CSMD1: variants seen among roughly 807,000 people sequenced by gnomAD.
The protein encoded by CSMD1 is CUB and Sushi multiple domains 1, also known as CUB and sushi domain-containing protein 1.
Under a neutral mutation model 417.5 loss-of-function variants are expected in CSMD1, and 213 were observed. The ratio of observed to expected loss-of-function variants is 0.51; its 90% CI spans 0.46 to 0.57. CSMD1 has a LOEUF of 0.57. CSMD1 is among the 20% of genes least tolerant of loss of function. CSMD1 has a pLI of 0.00. For missense variants in CSMD1, 6,923 were observed against 4,529.7 expected (o/e 1.53, Z -15.17); for synonymous variants, 2,862 against 1,736.8 (o/e 1.65, Z -16.11).
chr8:4,298,772 A>G (rs567520099), intron 3 of CSMD1, among the ~76,000 whole-genome samples: 1 of 152,174 alleles, frequency 6.6e-6, no homozygotes, highest in East Asian at 1.9e-4. Flanking sequence ...TGTGCTTTTG[A>G]ATAAATTTAT....
intron 3 of CSMD1, among the ~76,000 whole-genome samples, chr8:4,242,389 C>G (rs1209144649): frequency 6.6e-6 from 1 of 152,156 alleles, no homozygotes; most frequent in Non-Finnish European, 1.5e-5. Context: ...GAAGAAAACA[C>G]TTCCCCCACC....
Position 4,144,683 on chromosome 8 carries a change from C to T in CSMD1, c.416-112584G>A, listed in dbSNP as rs904087360. On this transcript the variant is annotated intron_variant, in intron 3 of 69. Coordinates refer to ENST00000635120, the MANE Select transcript of CSMD1 (RefSeq NM_033225.6). ...GCAGGACCTCTATGTCCCGACTGTG[C>T]GGTTTTACATACTCGGCAAAGAGTG... Among the ~76,000 whole-genome samples, 20 of 151,024 alleles carry T rather than the reference C, an allele frequency of 1.3e-4. 1 individual carries two copies. The highest frequency in any genetic ancestry group is 5.3e-4 in the Admixed American group (8 of 15,210).
At chr8:4,355,327 A>G (rs1028367777) in intron 3 of CSMD1, among the ~76,000 whole-genome samples, 1 of 151,076 alleles carries the variant, frequency 6.6e-6, no homozygotes, top group Non-Finnish European at 1.5e-5. Context: ...ACACACACGC[A>G]CACACACACA....
chr8:3,215,247 C>G (rs1446271602), intron 29 of CSMD1, among the ~76,000 whole-genome samples: 2 of 152,300 alleles, frequency 1.3e-5, no homozygotes, highest in Admixed American at 6.5e-5. Context: ...CATTCTTTTA[C>G]TACCGTATTT....
At chr8:3,627,075 T>A (rs80252686) in intron 7 of CSMD1, among the ~76,000 whole-genome samples, 2 of 152,142 alleles carry the variant, frequency 1.3e-5, no homozygotes, top group South Asian at 2.1e-4. Context: ...TGGTTGAGAA[T>A]TGCTGTGATA....
At chr8:4,534,841 C>A (rs1053226213) in intron 2 of CSMD1, among the ~76,000 whole-genome samples, 1 of 152,134 alleles carries the variant, frequency 6.6e-6, no homozygotes, top group Non-Finnish European at 1.5e-5. Context: ...CAGCTCGATG[C>A]AAGCTCCGCC....
At chr8:3,310,609 G>T (rs148271513) in intron 23 of CSMD1, among the ~76,000 whole-genome samples, 3 of 152,144 alleles carry the variant, frequency 2.0e-5, no homozygotes, top group African/African-American at 4.8e-5. Flanking sequence ...ACACAAAATC[G>T]GGGTGTAAAA....
intron 5 of CSMD1, among the ~76,000 whole-genome samples, chr8:3,829,170 C>G (rs1802229526): frequency 6.6e-6 from 1 of 151,988 alleles, no homozygotes; most frequent in Non-Finnish European, 1.5e-5. Flanking sequence ...GTCTTTTATC[C>G]CTCGCCCTCC....
At chr8:4,934,423 T>C (rs1410495404) in intron 1 of CSMD1, among the ~76,000 whole-genome samples, 1 of 152,156 alleles carries the variant, frequency 6.6e-6, no homozygotes, top group African/African-American at 2.4e-5. Context: ...ATTCTATCAT[T>C]TCATGTAGTT....
intron 5 of CSMD1, among the ~76,000 whole-genome samples, chr8:3,897,901 G>A (rs754174698): frequency 1.3e-5 from 2 of 152,150 alleles, no homozygotes; most frequent in South Asian, 2.1e-4. Context: ...AAGTAAGGTG[G>A]CCATGTGGAT....
At position 2,954,245 on chromosome 8, in the gene CSMD1, C is replaced by T. The variant is rs1017517297; in HGVS notation, c.10018G>A (p.Glu3340Lys). ...AAACCTGGAGTTTTAGTAACTGTTTCATTAACTTCTCTCACTCCTTTACCT... is the reference window on the plus strand; with the variant it reads ...AAACCTGGAGTTTTAGTAACTGTTTTATTAACTTCTCTCACTCCTTTACCT... Reference protein sequence around the residue: ...CKSKGVREVNETVTKTPVPSD... With the variant: ...CKSKGVREVNKTVTKTPVPSD... The change falls in exon 65 of 70, where the codon GAA (glutamate) becomes AAA (lysine). Residue 3340 changes from glutamate to lysine, a missense_variant. Glu to Lys is a moderately conservative substitution (Grantham distance 56). Coordinates refer to ENST00000635120, the MANE Select transcript of CSMD1 (RefSeq NM_033225.6). 4.7e-6 allele frequency: 7 copies of T among 1,502,150 alleles called. No homozygotes were observed. The South Asian group carries it at 6.2e-5, about 13-fold the overall frequency. The allele number at this position is 1,502,150 out of a possible 1,614,324, so 93.1% of individuals were successfully genotyped here.
intron 1 of CSMD1, among the ~76,000 whole-genome samples, chr8:4,756,251 A>G (rs1337050176): frequency 1.3e-5 from 2 of 152,232 alleles, no homozygotes; most frequent in African/African-American, 4.8e-5. Flanking sequence ...GGTTATACAG[A>G]AAAGAGCTAG....
At chr8:4,756,369 G>A (rs781233164) in intron 1 of CSMD1, among the ~76,000 whole-genome samples, 9 of 152,250 alleles carry the variant, frequency 5.9e-5, no homozygotes, top group Non-Finnish European at 8.8e-5. Flanking sequence ...ATTTTTAAAA[G>A]TAACACTTGG....
chr8:3,734,581 G>A (rs895173781), intron 6 of CSMD1, among the ~76,000 whole-genome samples: 1 of 152,086 alleles, frequency 6.6e-6, no homozygotes, highest in African/African-American at 2.4e-5. Context: ...CCTGGTGGCG[G>A]GCACCTATAA....
At chr8:4,772,981 A>G (rs9657401) in intron 1 of CSMD1, among the ~76,000 whole-genome samples, 25,338 of 152,110 alleles carry the variant, frequency 0.17, 2,223 homozygotes, top group East Asian at 0.34. Context: ...AGATACATGG[A>G]TGAGTATGAC....
chr8:4,413,029 T>G (rs749977457), intron 3 of CSMD1, among the ~76,000 whole-genome samples: 3 of 152,210 alleles, frequency 2.0e-5, no homozygotes, highest in Admixed American at 2.0e-4. Context: ...CTATACAATG[T>G]TCTTTCCAGA....
intron 5 of CSMD1, among the ~76,000 whole-genome samples, chr8:3,920,597 A>G (rs991260441): frequency 4.6e-5 from 7 of 152,110 alleles, no homozygotes; most frequent in Non-Finnish European, 1.0e-4. Flanking sequence ...ATCATTATGT[A>G]CATTAGTTAT....
At chr8:3,375,625 C>A (rs746187933) in intron 18 of CSMD1, among the ~76,000 whole-genome samples, 3 of 152,058 alleles carry the variant, frequency 2.0e-5, no homozygotes, top group African/African-American at 7.2e-5. Context: ...CAAAAGGAAT[C>A]TTGTGCAGAA....
At chr8:4,007,405 G>A (rs1431730650) in intron 4 of CSMD1, among the ~76,000 whole-genome samples, 1 of 152,124 alleles carries the variant, frequency 6.6e-6, no homozygotes, top group Non-Finnish European at 1.5e-5. Flanking sequence ...CTATGTTCCT[G>A]CCCTAAGGCC....
Sources: allele counts gnomAD v4.1 joint callset (sites outside exome capture counted in the v4.1 genomes callset), GRCh38; gene constraint gnomAD v4.1.1; transcripts MANE v1.5; gene names NCBI Gene and HGNC (gene_info 2026-07-23, HGNC 2026-07-21).